The following DTNA variants were observed in gnomAD, a reference collection of about 807,000 sequenced individuals.
The protein encoded by DTNA is dystrobrevin alpha, also known as dystrophin-related protein 3.
Under a neutral mutation model 100.7 loss-of-function variants are expected in DTNA, and 43 were observed. The observed-to-expected ratio is 0.43, with a 90% CI of 0.33 to 0.55. The LOEUF (loss-of-function observed/expected upper bound fraction) is 0.55, where lower values mean the gene tolerates loss of function less well. Ranked by LOEUF, DTNA falls within the 20% of genes least tolerant of loss-of-function variation. The pLI is 0.04. For synonymous variants in DTNA, 349 were observed against 347.9 expected (o/e 1.00, Z -0.04); for missense variants, 798 against 953.9 (o/e 0.84, Z 2.15).
At chr18:34,500,339 G>A (rs997928535) in intron 1 of DTNA, among the ~76,000 whole-genome samples, 1 of 149,608 alleles carries the variant, frequency 6.7e-6, no homozygotes, top group African/African-American at 2.5e-5. Flanking sequence ...TCAGTGTTGA[G>A]GTATTCAGTG....
intron 11 of DTNA, among the ~76,000 whole-genome samples, chr18:34,831,115 ATTAC>A (rs1206053410): frequency 6.6e-6 from 1 of 152,176 alleles, no homozygotes; most frequent in Non-Finnish European, 1.5e-5. Context: ...TGCCATAATC[ATTAC>A]TTAGTTTACA....
At chr18:34,762,843 A>G (rs1336802943) in intron 2 of DTNA, among the ~76,000 whole-genome samples, 2 of 152,204 alleles carry the variant, frequency 1.3e-5, no homozygotes, top group Non-Finnish European at 1.5e-5. Context: ...TTCTTGAACA[A>G]AACACAGGGT....
chr18:34,588,149 A>G (rs1294632445), intron 1 of DTNA, among the ~76,000 whole-genome samples: 1 of 152,200 alleles, frequency 6.6e-6, no homozygotes, highest in African/African-American at 2.4e-5. Context: ...AACCAAATAT[A>G]TCTATAGACT....
chr18:34,863,733 G>A (rs774302526), intron 16 of DTNA, among the ~76,000 whole-genome samples: 2 of 152,194 alleles, frequency 1.3e-5, no homozygotes, highest in Non-Finnish European at 2.9e-5. Context: ...AGAAAGGTCT[G>A]AAGGAAACAA....
At chr18:34,776,366 C>T (rs541496069) in intron 3 of DTNA, among the ~76,000 whole-genome samples, 16 of 152,268 alleles carry the variant, frequency 1.1e-4, no homozygotes, top group African/African-American at 2.9e-4. Context: ...CAGAGTCTTA[C>T]TCTGTCGCCC....
chr18:34,531,773 A>G (rs1013438956), intron 1 of DTNA, among the ~76,000 whole-genome samples: 1 of 152,160 alleles, frequency 6.6e-6, no homozygotes, highest in Non-Finnish European at 1.5e-5. Flanking sequence ...TTGGTTTCAA[A>G]ACAATTTTTA....
intron 1 of DTNA, among the ~76,000 whole-genome samples, chr18:34,579,756 T>G (rs1247903760): frequency 3.9e-5 from 6 of 152,180 alleles, no homozygotes; most frequent in Non-Finnish European, 7.4e-5. Context: ...CAACGTGTTG[T>G]TGGTGGTGGT....
intron 1 of DTNA, among the ~76,000 whole-genome samples, chr18:34,594,378 C>G (rs999672669): frequency 6.6e-6 from 1 of 152,224 alleles, no homozygotes. Context: ...TTAGAGACAG[C>G]TCTTCCAAAC....
chr18:34,820,286 A>G (rs867177118), intron 8 of DTNA, among the ~76,000 whole-genome samples: 20 of 151,848 alleles, frequency 1.3e-4, no homozygotes, highest in African/African-American at 3.9e-4. Flanking sequence ...CTCACAAACC[A>G]TTTTCTGTTC....
intron 1 of DTNA, among the ~76,000 whole-genome samples, chr18:34,545,814 TTTTC>T (rs1216313268): frequency 3.9e-5 from 6 of 152,234 alleles, no homozygotes; most frequent in Non-Finnish European, 5.9e-5. Context: ...TTCTTTTTCT[TTTTC>T]AGGTAAGAGA....
At chr18:34,731,584 G>T (rs988661183) in intron 1 of DTNA, among the ~76,000 whole-genome samples, 4 of 152,160 alleles carry the variant, frequency 2.6e-5, no homozygotes, top group African/African-American at 4.8e-5. Flanking sequence ...AAGAAATGAT[G>T]ATGATGATGA....
chr18:34,783,959 C>T (rs1361111198), intron 3 of DTNA, among the ~76,000 whole-genome samples: 2 of 152,192 alleles, frequency 1.3e-5, no homozygotes, highest in Non-Finnish European at 2.9e-5. Context: ...AAAGGAGCAT[C>T]TCTATTCTTC....
At chr18:34,689,441 C>T (rs1201455025) in intron 1 of DTNA, among the ~76,000 whole-genome samples, 1 of 152,176 alleles carries the variant, frequency 6.6e-6, no homozygotes, top group East Asian at 1.9e-4. Flanking sequence ...AGGTCCACTC[C>T]AGACCCTGTT....
chr18:34,827,002 C>G (rs2095874004), intron 9 of DTNA, among the ~76,000 whole-genome samples: 1 of 152,172 alleles, frequency 6.6e-6, no homozygotes, highest in Non-Finnish European at 1.5e-5. Context: ...TGCTGTACAC[C>G]ACATACTCTA....
At chr18:34,809,768 C>T (rs903269879) in intron 5 of DTNA, among the ~76,000 whole-genome samples, 12 of 152,086 alleles carry the variant, frequency 7.9e-5, no homozygotes, top group Non-Finnish European at 1.2e-4. Flanking sequence ...AAAGAGAAAG[C>T]AACAGAAAAT....
chr18:34,772,863 C>T (rs2093851072), intron 3 of DTNA, among the ~76,000 whole-genome samples: 2 of 152,208 alleles, frequency 1.3e-5, no homozygotes, highest in South Asian at 4.1e-4. Flanking sequence ...GTCTGTGATT[C>T]TCATGTTGGG....
chr18:34,717,349 G>A (rs1361723492), intron 1 of DTNA, among the ~76,000 whole-genome samples: 4 of 152,092 alleles, frequency 2.6e-5, no homozygotes, highest in South Asian at 2.1e-4. Context: ...ATTTAATATC[G>A]GAGGTTAATT....
chr18:34,709,361 G>A (rs1294694267), upstream of DTNA: 3 of 152,184 alleles, frequency 2.0e-5, no homozygotes, highest in Non-Finnish European at 4.4e-5. Flanking sequence ...GAGGCCTGAG[G>A]GATGAAGTAG....
At chr18:34,883,974 C>G (rs1379146897) in intron 21 of DTNA, among the ~76,000 whole-genome samples, 3 of 152,202 alleles carry the variant, frequency 2.0e-5, no homozygotes, top group Non-Finnish European at 2.9e-5. Flanking sequence ...TGATTGCAAA[C>G]CCATGGAGAG....
Sources: allele counts gnomAD v4.1 joint callset (sites outside exome capture counted in the v4.1 genomes callset), GRCh38; gene constraint gnomAD v4.1.1; transcripts MANE v1.5; gene names NCBI Gene and HGNC (gene_info 2026-07-23, HGNC 2026-07-21).